KCNQ1: variants seen among roughly 807,000 people sequenced by gnomAD.
The protein encoded by KCNQ1 is potassium voltage-gated channel subfamily KQT member 1.
KCNQ1 carries 49 observed loss-of-function variants against 72.4 expected under a neutral mutation model. The ratio of observed to expected loss-of-function variants is 0.68; its 90% confidence interval spans 0.54 to 0.86. KCNQ1 has a LOEUF of 0.86. KCNQ1 is among the 40% of genes least tolerant of loss of function. KCNQ1 has a pLI of 0.00. For synonymous variants in KCNQ1, 450 were observed against 412.6 expected, an observed-to-expected ratio of 1.09 and a Z score of -1.10; for missense variants, 790 against 945.1, an observed-to-expected ratio of 0.84 and a Z score of 2.15.
intron 15 of KCNQ1, among the ~76,000 whole-genome samples, chr11:2,842,010 C>T (rs1352237970): frequency 6.6e-6 from 1 of 152,228 alleles, no homozygotes; most frequent in Non-Finnish European, 1.5e-5. Context: ...GTGCCGAGGA[C>T]CCGCTGAGGA....
rs927817553 is a variant in KCNQ1, at chr11:2,484,696, C to T, written c.386+39212C>T. ...GAGAGTGGTCTTTAGAAACCCAGGC[C>T]TGGGTGCATGGTGTGCTCATCGCCA... is the stretch of plus-strand genomic sequence containing the variant. On this transcript the variant is annotated intron_variant, in intron 1 of 15. Coordinates refer to ENST00000155840, the MANE Select transcript of KCNQ1 (RefSeq NM_000218.3). The surrounding 1 kb of genome is among the most constrained non-coding windows in gnomAD (Gnocchi z 5.2). Among the ~76,000 whole-genome samples, 21 of 152,310 alleles carry T rather than the reference C, an allele frequency of 1.4e-4. No homozygotes were observed. The highest frequency in any genetic ancestry group is 4.8e-4 in the African/African-American group (20 of 41,564).
chr11:2,683,550 C>G lies in KCNQ1; in HGVS notation c.1514+21469C>G, dbSNP rs1850434823. 2.5e-6 allele frequency: 1 copy of G among 398,522 alleles called. No individual in the cohort carries two copies. The allele number at this position is 398,522 out of a possible 1,614,324, so 24.7% of individuals were successfully genotyped here. ...AACATTTCTAAAAAAGAGGTAGAAG[C>G]CCCTACCTACTGACTGGCATCACAA... On this transcript the variant is annotated intron_variant, in intron 11 of 15. Transcript: ENST00000155840. This position sits in a 1 kb window ranked among gnomAD's most constrained non-coding sequence, Gnocchi z 4.7.
chr11:2,449,819 T>C (rs928481429), intron 1 of KCNQ1, among the ~76,000 whole-genome samples: 2 of 152,152 alleles, frequency 1.3e-5, no homozygotes, highest in African/African-American at 4.8e-5. Context: ...TCAAGTCTGC[T>C]CCTTCTGCAC....
At chr11:2,539,071 C>T (rs1434844424) in intron 2 of KCNQ1, among the ~76,000 whole-genome samples, 4 of 151,938 alleles carry the variant, frequency 2.6e-5, no homozygotes, top group Admixed American at 6.5e-5. Flanking sequence ...CATGGTGCTC[C>T]GGCCAGGGGT....
rs1182912184 is a variant in KCNQ1 at position 2,457,005 on chromosome 11, G to A, written c.386+11521G>A. 6.6e-6 allele frequency among the ~76,000 whole-genome samples: 1 copy of A among 150,428 alleles called. No individual in the cohort carries two copies. Among genetic ancestry groups the A allele is most frequent in the Non-Finnish European group, 1.5e-5 (1 of 67,662 alleles). On this transcript the variant is annotated intron_variant, in intron 1 of 15. Coordinates refer to ENST00000155840, the MANE Select transcript of KCNQ1 (RefSeq NM_000218.3). The surrounding 1 kb of genome is among the most constrained non-coding windows in gnomAD (Gnocchi z 5.0). ...AAGTGGGCAAAAGATATGGTAGACA[G>A]TTCTTAAAAAGAAGACATACAAACA...
In KCNQ1 at chr11:2,498,987, G is replaced by A. The variant is rs1846965415; in HGVS notation, c.387-28941G>A. 6.6e-6 allele frequency among the ~76,000 whole-genome samples: 1 copy of A among 152,156 alleles called. No homozygotes were observed. The highest frequency in any genetic ancestry group is 2.4e-5 in the African/African-American group (1 of 41,434). On this transcript the variant is annotated intron_variant, in intron 1 of 15. Coordinates refer to ENST00000155840, the MANE Select transcript of KCNQ1 (RefSeq NM_000218.3). This position sits in a 1 kb window ranked among gnomAD's most constrained non-coding sequence, Gnocchi z 4.8. ...TCGGCTGGGGGAGGGAGGTCTCCCG[G>A]CTCCTTGCACTTCCCAGGTGAGGCG...
chr11:2,799,390 G>GTGTGTGTGTGTGTT (rs1847212108), intron 15 of KCNQ1, among the ~76,000 whole-genome samples: 1 of 152,016 alleles, frequency 6.6e-6, no homozygotes, highest in Non-Finnish European at 1.5e-5. Context: ...GTGTGTGTGT[G>GTGTGTGTGTGTGTT]TGTGTGTGTG....
At chr11:2,737,991 C>T (rs1845987502) in intron 11 of KCNQ1, among the ~76,000 whole-genome samples, 1 of 152,136 alleles carries the variant, frequency 6.6e-6, no homozygotes, top group African/African-American at 2.4e-5. Context: ...CAGGCAGGGC[C>T]CTGGGCCTGG....
rs1216339666 is a variant in KCNQ1 at position 2,457,433 on chromosome 11, A to G, written c.386+11949A>G. On this transcript the variant is annotated intron_variant, in intron 1 of 15. Transcript: ENST00000155840. The surrounding 1 kb of genome is among the most constrained non-coding windows in gnomAD (Gnocchi z 5.0). ...AAAGCAAATGTGATATATATACACCATGGAATACTATGCAGACGTGAAAAT... is the reference window on the plus strand; with the variant it reads ...AAAGCAAATGTGATATATATACACCGTGGAATACTATGCAGACGTGAAAAT... Among the ~76,000 whole-genome samples, 1 of 152,254 alleles carries G rather than the reference A, an allele frequency of 6.6e-6. No individual in the cohort carries two copies. Among genetic ancestry groups the G allele is most frequent in the Non-Finnish European group, 1.5e-5 (1 of 68,046 alleles).
chr11:2,825,753 C>A (rs981392007), intron 15 of KCNQ1, among the ~76,000 whole-genome samples: 1 of 152,204 alleles, frequency 6.6e-6, no homozygotes, highest in Admixed American at 6.5e-5. Flanking sequence ...ATTCACACTT[C>A]AGTATGAATG....
At chr11:2,684,379 C>T (rs552011661) in intron 11 of KCNQ1, 1 of 398,642 alleles carries the variant, frequency 2.5e-6, no homozygotes, top group South Asian at 1.3e-4. Context: ...ATGAGACAAG[C>T]TCCAGTGGGG....
intron 11 of KCNQ1, among the ~76,000 whole-genome samples, chr11:2,753,530 C>A (rs550686446): frequency 6.6e-6 from 1 of 152,328 alleles, no homozygotes; most frequent in African/African-American, 2.4e-5. Flanking sequence ...CTCTCCCGAG[C>A]AAAGTACCTG....
At chr11:2,756,439 A>G (rs1846298764) in intron 11 of KCNQ1, among the ~76,000 whole-genome samples, 1 of 105,416 alleles carries the variant, frequency 9.5e-6, no homozygotes. Flanking sequence ...AATTACTAAA[A>G]TTAAAAAAAA....
chr11:2,445,394 C>T lies in KCNQ1; in HGVS notation c.296C>T (p.Pro99Leu), dbSNP rs370435862. 2.5e-6 allele frequency: 4 copies of T among 1,597,876 alleles called. No homozygotes were observed. The highest frequency in any genetic ancestry group is 2.2e-5 in the East Asian group (1 of 44,812). Reference protein sequence around the residue: ...PRVSIYSTRRPVLARTHVQGR... With the variant: ...PRVSIYSTRRLVLARTHVQGR... ...GTCTCCATCTACAGCACGCGCCGCC[C>T]GGTGTTGGCGCGCACCCACGTCCAG... Residue 99 changes from proline (P) to leucine (L), a missense_variant, in exon 1 of 16, where the codon CCG (proline) becomes CTG (leucine). Transcript: ENST00000155840.
At chr11:2,618,544 G>T (rs537318166) in intron 10 of KCNQ1, 1 of 398,498 alleles carries the variant, frequency 2.5e-6, no homozygotes, top group Admixed American at 4.4e-5. Context: ...TCTCTATTCT[G>T]TTCCACTGGT....
chr11:2,667,720 TC>T, intron 11 of KCNQ1: 1 of 398,680 alleles, frequency 2.5e-6, no homozygotes, highest in Non-Finnish European at 4.4e-6. Flanking sequence ...GGAAGCCGTG[TC>T]CCCTTAAGTG....
At chr11:2,755,405 C>T (rs1018952791) in intron 11 of KCNQ1, among the ~76,000 whole-genome samples, 7 of 152,174 alleles carry the variant, frequency 4.6e-5, no homozygotes, top group South Asian at 2.1e-4. Context: ...CACGTGCCAC[C>T]GCGCCTGGCT....
rs1848818600 is a variant in KCNQ1, at chr11:2,602,256, C to T, written c.1393+13402C>T. Among the ~76,000 whole-genome samples the T allele has an allele frequency of 2.0e-5, 3 of 151,236 alleles. No individual in the cohort carries two copies. The highest frequency in any genetic ancestry group is 2.0e-4 in the Admixed American group (3 of 15,148). Reference sequence around the variant, plus strand: ...TTCGTCCCCTAAGACTCTTTTCAGACTTCTGGCCTCTAGAACTGTGAGAAA... The same window carrying T: ...TTCGTCCCCTAAGACTCTTTTCAGATTTCTGGCCTCTAGAACTGTGAGAAA... On this transcript the variant is annotated intron_variant, in intron 10 of 15. Transcript: ENST00000155840. This position sits in a 1 kb window ranked among gnomAD's most constrained non-coding sequence, Gnocchi z 4.8.
intron 11 of KCNQ1, among the ~76,000 whole-genome samples, chr11:2,733,421 TGGCCCA>T (rs1845885832): frequency 6.6e-6 from 1 of 152,134 alleles, no homozygotes; most frequent in Non-Finnish European, 1.5e-5. Context: ...CCAGACAGGC[TGGCCCA>T]GGCCCTCCCC....
Sources: allele counts gnomAD v4.1 joint callset (sites outside exome capture counted in the v4.1 genomes callset), GRCh38; gene constraint gnomAD v4.1.1; non-coding constraint Gnocchi (gnomAD v3.1); transcripts MANE v1.5; gene names NCBI Gene and HGNC (gene_info 2026-07-23, HGNC 2026-07-21).